The following TCF7L1 variants were observed in gnomAD, a reference collection of about 807,000 sequenced individuals.
The protein encoded by TCF7L1 is transcription factor 7 like 1.
A neutral mutation model predicts 63.7 loss-of-function variants in TCF7L1; 18 were observed. That is an observed-to-expected ratio of 0.28 (90% CI 0.20 to 0.42). The LOEUF (loss-of-function observed/expected upper bound fraction) is 0.42, where lower values mean the gene tolerates loss of function less well. Ranked by LOEUF, TCF7L1 falls within the 10% of genes least tolerant of loss-of-function variation. The pLI is 1.00. For missense variants in TCF7L1, 654 were observed against 779.3 expected, an observed-to-expected ratio of 0.84 and a Z score of 1.91; for synonymous variants, 355 against 340.9, an observed-to-expected ratio of 1.04 and a Z score of -0.46.
At chr2:85,280,889 T>C (rs537357397) in intron 3 of TCF7L1, among the ~76,000 whole-genome samples, 1 of 152,226 alleles carries the variant, frequency 6.6e-6, no homozygotes, top group East Asian at 1.9e-4. Flanking sequence ...AGGAAGACAG[T>C]CTTAGGAAAA....
intron 3 of TCF7L1, among the ~76,000 whole-genome samples, chr2:85,254,965 C>T (rs141194362): frequency 1.3e-5 from 2 of 152,160 alleles, no homozygotes; most frequent in Non-Finnish European, 1.5e-5. Flanking sequence ...CAGAGCTGTC[C>T]GCAGCTGCAA....
At position 85,299,266 on chromosome 2, in the gene TCF7L1, G is replaced by C. The variant is rs1054015129; in HGVS notation, c.526-3218G>C. ...TAAATGTAAATTTAAAACTGATGCAGAGGCTGGGCGTGGTGGCTCACACCT... is the reference window on the plus strand; with the variant it reads ...TAAATGTAAATTTAAAACTGATGCACAGGCTGGGCGTGGTGGCTCACACCT... On this transcript the variant is annotated intron_variant, in intron 4 of 11. Transcript: ENST00000282111. 2.4e-4 allele frequency among the ~76,000 whole-genome samples: 37 copies of C among 152,004 alleles called. 1 individual carries two copies. Among genetic ancestry groups the C allele is most frequent in the African/African-American group, 8.7e-4 (36 of 41,382 alleles).
At chr2:85,219,171 C>G (rs1012850392) in intron 3 of TCF7L1, among the ~76,000 whole-genome samples, 5 of 152,000 alleles carry the variant, frequency 3.3e-5, no homozygotes, top group Non-Finnish European at 7.4e-5. Flanking sequence ...ATTTTTTTTC[C>G]CCAGAAAATG....
chr2:85,256,717 T>C (rs1481668045), intron 3 of TCF7L1, among the ~76,000 whole-genome samples: 1 of 152,096 alleles, frequency 6.6e-6, no homozygotes, highest in Non-Finnish European at 1.5e-5. Flanking sequence ...TTGGGCCAGG[T>C]TTGGTGGCTC....
intron 3 of TCF7L1, among the ~76,000 whole-genome samples, chr2:85,230,231 AAAC>A (rs1253288463): frequency 6.6e-6 from 1 of 152,164 alleles, no homozygotes; most frequent in East Asian, 1.9e-4. Flanking sequence ...TTACTCTCAT[AAAC>A]AATAGTGCAG....
intron 5 of TCF7L1, 99 bp from the exon 6 acceptor site, chr2:85,303,796 G>C (rs1682039354): frequency 2.3e-6 from 2 of 886,224 alleles, no homozygotes; most frequent in African/African-American, 3.3e-5. Flanking sequence ...CTAGGCTCCA[G>C]AGCACCAGGG....
chr2:85,284,961 C>T (rs1296267222), intron 4 of TCF7L1, among the ~76,000 whole-genome samples: 1 of 152,200 alleles, frequency 6.6e-6, no homozygotes, highest in East Asian at 1.9e-4. Context: ...TAGCTGGGCG[C>T]AGTGGCTCAC....
intron 3 of TCF7L1, among the ~76,000 whole-genome samples, chr2:85,275,853 G>A (rs996694992): frequency 6.6e-6 from 1 of 150,518 alleles, no homozygotes; most frequent in Non-Finnish European, 1.5e-5. Context: ...CCAGGAGGTG[G>A]AGGTTGCAGT....
chr2:85,274,272 A>G (rs758373490), intron 3 of TCF7L1, among the ~76,000 whole-genome samples: 2 of 152,200 alleles, frequency 1.3e-5, no homozygotes, highest in African/African-American at 2.4e-5. Flanking sequence ...CCAGCGCTCC[A>G]GGCTGCAGAA....
rs755956231 is a variant in TCF7L1, at chr2:85,309,490, C to T, written c.*28C>T. On this transcript the variant is annotated 3_prime_UTR_variant, in exon 12 of 12. Coordinates refer to ENST00000282111, the MANE Select transcript of TCF7L1 (RefSeq NM_031283.3). ...TCCCCCCGACCCCTGCAGGCTGTCA[C>T]ATGACTCATTGAGTAGTAATGATTC... is the stretch of plus-strand genomic sequence containing the variant. 16 of 1,514,184 alleles carry T rather than the reference C, an allele frequency of 1.1e-5. No homozygotes were observed. The highest frequency in any genetic ancestry group is 2.8e-5 in the African/African-American group (2 of 71,578). 93.8% of individuals were successfully genotyped at this position (1,514,184 alleles called of 1,614,324 possible).
At chr2:85,160,263 T>C (rs1374613893) in intron 3 of TCF7L1, among the ~76,000 whole-genome samples, 1 of 152,170 alleles carries the variant, frequency 6.6e-6, no homozygotes, top group Non-Finnish European at 1.5e-5. Flanking sequence ...TTGGCCGCAT[T>C]GTGTGCATCT....
chr2:85,147,055 G>C (rs574004406), intron 3 of TCF7L1, among the ~76,000 whole-genome samples: 1 of 152,290 alleles, frequency 6.6e-6, no homozygotes, highest in African/African-American at 2.4e-5. Flanking sequence ...GATGTTAACA[G>C]TTCTAGGTGG....
chr2:85,156,409 G>A (rs975022174), intron 3 of TCF7L1, among the ~76,000 whole-genome samples: 2 of 151,904 alleles, frequency 1.3e-5, no homozygotes, highest in Admixed American at 6.6e-5. Flanking sequence ...TGCTCAAGGC[G>A]AGTGTTCAGG....
intron 3 of TCF7L1, among the ~76,000 whole-genome samples, chr2:85,279,499 A>T (rs1681361837): frequency 6.6e-6 from 1 of 152,160 alleles, no homozygotes; most frequent in Admixed American, 6.5e-5. Context: ...CCATCTTCAA[A>T]TGTCTAGTAC....
At chr2:85,147,543 G>A (rs1677909889) in intron 3 of TCF7L1, among the ~76,000 whole-genome samples, 1 of 152,040 alleles carries the variant, frequency 6.6e-6, no homozygotes, top group African/African-American at 2.4e-5. Context: ...GGGGATTCCA[G>A]AGAAAGTGAG....
intron 3 of TCF7L1, among the ~76,000 whole-genome samples, chr2:85,175,400 A>C (rs1433938469): frequency 6.6e-6 from 1 of 152,214 alleles, no homozygotes; most frequent in Non-Finnish European, 1.5e-5. Context: ...TCCACAGGAT[A>C]GTAACAGGTG....
intron 3 of TCF7L1, chr2:85,262,180 A>G (rs573743393): frequency 1.6e-5 from 9 of 547,920 alleles, no homozygotes; most frequent in Non-Finnish European, 3.0e-5. Flanking sequence ...CCAATGATAC[A>G]GCCTTCTGTC....
chr2:85,245,409 G>A (rs1053609688), intron 3 of TCF7L1, among the ~76,000 whole-genome samples: 4 of 152,186 alleles, frequency 2.6e-5, no homozygotes, highest in Admixed American at 2.6e-4. Context: ...AGATGGGGTA[G>A]GTTGGCTGAC....
chr2:85,157,664 T>C (rs1678181045), intron 3 of TCF7L1, among the ~76,000 whole-genome samples: 1 of 152,256 alleles, frequency 6.6e-6, no homozygotes, highest in African/African-American at 2.4e-5. Flanking sequence ...TGGAAATGGT[T>C]AATAATGCCT....
Sources: allele counts gnomAD v4.1 joint callset (sites outside exome capture counted in the v4.1 genomes callset), GRCh38; gene constraint gnomAD v4.1.1; transcripts MANE v1.5; gene names NCBI Gene and HGNC (gene_info 2026-07-23, HGNC 2026-07-21).